Variants in ESYT2 observed in about 807,000 individuals in gnomAD.
ESYT2 encodes extended synaptotagmin 2.
A neutral mutation model predicts 107.2 loss-of-function variants in ESYT2; 54 were observed. The observed-to-expected ratio is 0.50, with a 90% CI of 0.40 to 0.63. ESYT2 has a LOEUF of 0.63. Among genes scored for constraint, ESYT2 ranks in the 30% least tolerant of loss-of-function variants. The pLI is 0.00. For missense variants in ESYT2, 1,020 were observed against 1,094.5 expected (o/e 0.93, Z 0.96); for synonymous variants, 491 against 434.1 (o/e 1.13, Z -1.63).
At position 158,734,272 on chromosome 7, in the gene ESYT2, G is replaced by A; in HGVS notation, c.2556-20C>T. The A allele has an allele frequency of 6.2e-7, 1 of 1,614,114 alleles. No individual in the cohort carries two copies. Among genetic ancestry groups the A allele is most frequent in the South Asian group, 1.1e-5 (1 of 91,066 alleles). On this transcript the variant is annotated intron_variant, in intron 22 of 22. Coordinates refer to ENST00000275418, the MANE Select transcript of ESYT2 (RefSeq NM_001367773.1). ...TCATACCTGAGAAAGACAGTGACAG[G>A]AAGGTGGTGACGGATACAGGACCAA...
rs1289057223 is a variant in ESYT2, at chr7:158,741,594, G to A, written c.2097C>T (p.Pro699=). Residue 699 remains proline (P), a synonymous_variant, in exon 18 of 23, where the codon CCC becomes CCT. Coordinates refer to ENST00000275418, the MANE Select transcript of ESYT2 (RefSeq NM_001367773.1). ...PGHISVKEPT[P]SIASDISLPI... is the part of the protein sequence containing the mutation. Reference sequence around the variant, plus strand: ...GCAGCGAGATGTCCGAGGCGATGCTGGGGGTCGGCTCCTTGACTGAGATGT... The same window carrying A: ...GCAGCGAGATGTCCGAGGCGATGCTAGGGGTCGGCTCCTTGACTGAGATGT... 1.9e-6 allele frequency: 3 copies of A among 1,611,426 alleles called. No homozygotes were observed. The highest frequency in any genetic ancestry group is 1.7e-6 in the Non-Finnish European group (2 of 1,179,918).
chr7:158,806,543 A>C (rs938534246), intron 1 of ESYT2, among the ~76,000 whole-genome samples: 2 of 152,200 alleles, frequency 1.3e-5, no homozygotes, highest in African/African-American at 2.4e-5. Context: ...CACAGCTTCT[A>C]CTCAGGAGAA....
At chr7:158,751,281 C>T (rs1837575412) in intron 14 of ESYT2, among the ~76,000 whole-genome samples, 1 of 152,122 alleles carries the variant, frequency 6.6e-6, no homozygotes, top group Non-Finnish European at 1.5e-5. Context: ...AAAATAAACA[C>T]TGTCAAAACT....
chr7:158,781,387 T>C (rs113531078), intron 6 of ESYT2, among the ~76,000 whole-genome samples: 3,186 of 149,248 alleles, frequency 0.021, 111 homozygotes, highest in African/African-American at 0.073. Context: ...AGTGAACGAG[T>C]GTTGAGAACA....
At chr7:158,740,556 C>T (rs1033812634) in intron 18 of ESYT2, among the ~76,000 whole-genome samples, 1 of 152,168 alleles carries the variant, frequency 6.6e-6, no homozygotes, top group Non-Finnish European at 1.5e-5. Context: ...CCCTTCCTTC[C>T]ATTTCTCTCT....
intron 4 of ESYT2, among the ~76,000 whole-genome samples, chr7:158,790,110 T>C (rs1431775229): frequency 6.6e-6 from 1 of 152,140 alleles, no homozygotes; most frequent in Non-Finnish European, 1.5e-5. Context: ...TACGTGGGCC[T>C]CCTCCTTTAT....
In ESYT2 at chr7:158,798,076, T is replaced by C; in HGVS notation, c.373A>G (p.Thr125Ala). The C allele has an allele frequency of 2.5e-6, 4 of 1,613,894 alleles. No individual in the cohort carries two copies. Among genetic ancestry groups the C allele is most frequent in the Non-Finnish European group, 3.4e-6 (4 of 1,179,984 alleles). ...ATGAAAGGCCACATGTGTTTTACAG[T>C]CTGGAAAGGAAAAAGAACTCAGTTT... ...DTERAEWLNK[T>A]VKHMWPFICQ... The change falls in exon 3 of 23, where the codon ACT (threonine) becomes GCT (alanine). Residue 125 changes from threonine to alanine, a missense_variant and splice_region_variant. Thr to Ala is a moderately conservative substitution (Grantham distance 58). Transcript: ENST00000275418.
chr7:158,824,547 G>T (rs1018373709), intron 1 of ESYT2, among the ~76,000 whole-genome samples: 4 of 152,094 alleles, frequency 2.6e-5, no homozygotes, highest in Non-Finnish European at 5.9e-5. Flanking sequence ...TTCCCAGAAG[G>T]GCAATGGGAA....
At chr7:158,789,938 C>T (rs150342619) in intron 4 of ESYT2, among the ~76,000 whole-genome samples, 2 of 152,328 alleles carry the variant, frequency 1.3e-5, no homozygotes, top group East Asian at 3.9e-4. Context: ...CATCCACTGA[C>T]TGATGGACTC....
chr7:158,804,123 GTC>G (rs1839734405), intron 1 of ESYT2, among the ~76,000 whole-genome samples: 10 of 36,254 alleles, frequency 2.8e-4, no homozygotes, highest in African/African-American at 1.7e-3. Context: ...AACCCAAACC[GTC>G]GAGAAGGGTG....
At chr7:158,786,320 G>A (rs1397552463) in intron 6 of ESYT2, among the ~76,000 whole-genome samples, 1 of 152,042 alleles carries the variant, frequency 6.6e-6, no homozygotes, top group Non-Finnish European at 1.5e-5. Context: ...GCTAAAGATG[G>A]GTAAGTTAAA....
At chr7:158,812,108 C>A (rs942636183) in intron 1 of ESYT2, among the ~76,000 whole-genome samples, 1 of 152,344 alleles carries the variant, frequency 6.6e-6, no homozygotes, top group African/African-American at 2.4e-5. Flanking sequence ...CCCTGCCACA[C>A]AGCCACAGGC....
intron 19 of ESYT2, among the ~76,000 whole-genome samples, chr7:158,738,446 A>G (rs891937645): frequency 6.6e-6 from 1 of 151,846 alleles, no homozygotes; most frequent in African/African-American, 2.4e-5. Flanking sequence ...CAATTGTGAC[A>G]TATTTGTGTA....
At position 158,829,069 on chromosome 7, in the gene ESYT2, G is replaced by T; in HGVS notation, c.330+20C>A. On this transcript the variant is annotated intron_variant, in intron 1 of 22. Coordinates refer to ENST00000275418, the MANE Select transcript of ESYT2 (RefSeq NM_001367773.1). ...GGGACTGGTGGTCAGGGGTCGGGAC[G>T]GGCAGGGGTCTGCACTCACCCAGGC... 6.3e-7 allele frequency: 1 copy of T among 1,578,222 alleles called. No homozygotes were observed. Among genetic ancestry groups the T allele is most frequent in the South Asian group, 1.1e-5 (1 of 89,336 alleles).
At chr7:158,790,996 C>CAGTGGTACT (rs1402488196) in intron 4 of ESYT2, among the ~76,000 whole-genome samples, 1 of 152,158 alleles carries the variant, frequency 6.6e-6, no homozygotes, top group Non-Finnish European at 1.5e-5. Flanking sequence ...GTGTACAACT[C>CAGTGGTACT]AGTGGTACTA....
chr7:158,773,294 A>G (rs753928438), intron 7 of ESYT2, 47 bp downstream of exon 7: 1 of 1,606,904 alleles, frequency 6.2e-7, no homozygotes, highest in Non-Finnish European at 8.5e-7. Context: ...CAAAATGCAC[A>G]ACACGCCCTC....
At chr7:158,790,731 A>G (rs1839260883) in intron 4 of ESYT2, among the ~76,000 whole-genome samples, 1 of 152,178 alleles carries the variant, frequency 6.6e-6, no homozygotes, top group Non-Finnish European at 1.5e-5. Context: ...GTTTTAGACC[A>G]GCCTGGCCAA....
chr7:158,801,444 T>C (rs1328266641), intron 1 of ESYT2, among the ~76,000 whole-genome samples: 1 of 152,236 alleles, frequency 6.6e-6, no homozygotes, highest in Admixed American at 6.5e-5. Context: ...TACGAAATTT[T>C]AAATTCTGTT....
intron 3 of ESYT2, among the ~76,000 whole-genome samples, chr7:158,796,378 A>T (rs2129473498): frequency 6.6e-6 from 1 of 152,356 alleles, no homozygotes; most frequent in South Asian, 2.1e-4. Context: ...CTCCATTAAC[A>T]AAATCCATCT....
Sources: gnomAD v4.1 joint callset for allele counts (sites outside exome capture counted in the v4.1 genomes callset) on GRCh38, gnomAD v4.1.1 for gene constraint, MANE v1.5 for transcripts, NCBI Gene and HGNC (gene_info 2026-07-23, HGNC 2026-07-21) for gene names.